The following STK10 variants were observed in gnomAD, a reference collection of about 807,000 sequenced individuals.
The protein encoded by STK10 is serine/threonine kinase 10, also known as serine/threonine-protein kinase 10.
A neutral mutation model predicts 113.8 loss-of-function variants in STK10; 78 were observed. That is an observed-to-expected ratio of 0.69 (90% confidence interval 0.57 to 0.83). STK10 has a LOEUF of 0.83. STK10 is among the 40% of genes least tolerant of loss of function. The pLI is 0.00. For missense variants in STK10, 1,109 were observed against 1,280.1 expected, an observed-to-expected ratio of 0.87 and a Z score of 2.04; for synonymous variants, 465 against 494.7, an observed-to-expected ratio of 0.94 and a Z score of 0.80.
intron 1 of STK10, among the ~76,000 whole-genome samples, chr5:172,179,145 C>T (rs1435517082): frequency 6.6e-6 from 1 of 152,194 alleles, no homozygotes. Context: ...AACACCTCAT[C>T]GTCATTTCCT....
chr5:172,149,486 C>A lies in STK10; in HGVS notation c.321+7138G>T, dbSNP rs11948999. 1.0e-2 allele frequency among the ~76,000 whole-genome samples: 1,482 copies of A among 148,760 alleles called. 22 individuals carry two copies. The highest frequency in any genetic ancestry group is 0.03 in the African/African-American group (1,196 of 39,712). On this transcript the variant is annotated intron_variant, in intron 2 of 18. Transcript: ENST00000176763. ...CCTGTGCAGACTTTAAAGTGCTTTA[C>A]AAAGTGCTCGTGTGTGTGTGTGTGT...
At chr5:172,058,604 T>C (rs1476637570) in intron 14 of STK10, among the ~76,000 whole-genome samples, 1 of 152,140 alleles carries the variant, frequency 6.6e-6, no homozygotes, top group Non-Finnish European at 1.5e-5. Context: ...AAACATAATA[T>C]GTACGGCCAG....
At chr5:172,060,881 T>C (rs1767916525) in intron 14 of STK10, among the ~76,000 whole-genome samples, 1 of 152,258 alleles carries the variant, frequency 6.6e-6, no homozygotes, top group South Asian at 2.1e-4. Context: ...AGCTCACTTA[T>C]TAACATACTC....
At chr5:172,127,445 G>T in intron 2 of STK10, 24 bp from the exon 3 acceptor site, 1 of 1,612,858 alleles carries the variant, frequency 6.2e-7, no homozygotes, top group South Asian at 1.1e-5. Flanking sequence ...AGGGCAAAGT[G>T]ACAATGAGTG....
At chr5:172,056,118 A>G (rs972886324) in intron 15 of STK10, among the ~76,000 whole-genome samples, 6 of 152,190 alleles carry the variant, frequency 3.9e-5, no homozygotes, top group African/African-American at 1.4e-4. Flanking sequence ...ATTTTAAAAA[A>G]TCCTGATAGA....
chr5:172,163,543 C>T (rs1331232550), intron 1 of STK10, among the ~76,000 whole-genome samples: 1 of 152,176 alleles, frequency 6.6e-6, no homozygotes, highest in African/African-American at 2.4e-5. Flanking sequence ...AGCCTTGGTG[C>T]CGGTTTCCCA....
intron 3 of STK10, among the ~76,000 whole-genome samples, chr5:172,126,501 T>C (rs1199948401): frequency 6.6e-6 from 1 of 151,376 alleles, no homozygotes; most frequent in Non-Finnish European, 1.5e-5. Context: ...GAGGTGGAGG[T>C]TACAGTAAGC....
At chr5:172,052,597 C>G (rs1398171148) in intron 18 of STK10, among the ~76,000 whole-genome samples, 1 of 152,254 alleles carries the variant, frequency 6.6e-6, no homozygotes, top group African/African-American at 2.4e-5. Flanking sequence ...AGAATAACTT[C>G]CTCTAAGAGA....
intron 1 of STK10, among the ~76,000 whole-genome samples, chr5:172,172,867 C>T (rs1403228647): frequency 2.0e-5 from 3 of 152,086 alleles, no homozygotes; most frequent in Non-Finnish European, 4.4e-5. Flanking sequence ...GTAATTCCAG[C>T]TACTCGGGAG....
At chr5:172,136,553 C>T (rs929501941) in intron 2 of STK10, among the ~76,000 whole-genome samples, 2 of 152,040 alleles carry the variant, frequency 1.3e-5, no homozygotes, top group Admixed American at 6.6e-5. Flanking sequence ...GCCAAGATCG[C>T]GCCACTGCAC....
At chr5:172,180,352 C>A (rs1187156053) in intron 1 of STK10, among the ~76,000 whole-genome samples, 1 of 152,082 alleles carries the variant, frequency 6.6e-6, no homozygotes, top group African/African-American at 2.4e-5. Context: ...GTAATCCCAG[C>A]TACTTGAGAG....
At chr5:172,102,129 A>G (rs60574659) in intron 7 of STK10, among the ~76,000 whole-genome samples, 1,901 of 152,014 alleles carry the variant, frequency 0.013, 41 homozygotes, top group African/African-American at 0.043. Context: ...GACCCAACAG[A>G]GAGGGCAGGG....
intron 12 of STK10, among the ~76,000 whole-genome samples, chr5:172,071,772 T>TTCTC (rs952606144): frequency 3.9e-5 from 6 of 151,986 alleles, no homozygotes; most frequent in African/African-American, 7.3e-5. Context: ...CCACTCTGAA[T>TTCTC]TCTCTCTCTC....
At chr5:172,163,044 C>G (rs549815022) in intron 1 of STK10, among the ~76,000 whole-genome samples, 1 of 152,292 alleles carries the variant, frequency 6.6e-6, no homozygotes, top group African/African-American at 2.4e-5. Flanking sequence ...CAAAAAGTGA[C>G]TTGGCCAAAA....
intron 1 of STK10, among the ~76,000 whole-genome samples, chr5:172,157,868 G>C (rs966368518): frequency 2.0e-5 from 3 of 152,140 alleles, no homozygotes; most frequent in African/African-American, 7.2e-5. Context: ...TGGGATTACA[G>C]GTGTGAGCCA....
chr5:172,153,243 G>A (rs540770586), intron 2 of STK10, among the ~76,000 whole-genome samples: 71 of 147,988 alleles, frequency 4.8e-4, no homozygotes, highest in Non-Finnish European at 8.4e-4. Context: ...CTGAAATCGC[G>A]CCATTGCACT....
chr5:172,164,327 C>T (rs57311023), intron 1 of STK10, among the ~76,000 whole-genome samples: 4,940 of 152,114 alleles, frequency 0.032, 290 homozygotes, highest in African/African-American at 0.11. Flanking sequence ...TGACTTCTAG[C>T]CTCCAGCCTA....
Position 172,188,128 on chromosome 5 carries a change from T to C in STK10, c.-86A>G. The C allele has an allele frequency of 6.6e-7, 1 of 1,523,934 alleles. No homozygotes were observed. Among genetic ancestry groups the C allele is most frequent in the Non-Finnish European group, 8.8e-7 (1 of 1,135,454 alleles). 94.4% of individuals were successfully genotyped at this position (1,523,934 alleles called of 1,614,324 possible). A position where few individuals can be genotyped will look rare whatever the true frequency, so the allele number is the denominator to read the frequency against. ...GGCCGCGAGGAGAAGGAGGAGGAGT[T>C]GGAGGACGCCGCGTCTCTCGGGGTT... On this transcript the variant is annotated 5_prime_UTR_variant, in exon 1 of 19. Transcript: ENST00000176763. The surrounding 1 kb of genome is among the most constrained non-coding windows in gnomAD (Gnocchi z 5.6).
chr5:172,103,978 C>G (rs753335129), intron 7 of STK10, among the ~76,000 whole-genome samples: 18 of 152,182 alleles, frequency 1.2e-4, no homozygotes, highest in Non-Finnish European at 1.8e-4. Flanking sequence ...GCTGTCGAAC[C>G]CTGGACTTTC....
Sources: gnomAD v4.1 joint callset for allele counts (sites outside exome capture counted in the v4.1 genomes callset) on GRCh38, gnomAD v4.1.1 for gene constraint, Gnocchi (gnomAD v3.1) non-coding constraint, MANE v1.5 for transcripts, NCBI Gene and HGNC (gene_info 2026-07-23, HGNC 2026-07-21) for gene names.